PCDHA1: variants seen among roughly 807,000 people sequenced by gnomAD.
PCDHA1 encodes protocadherin alpha-1.
PCDHA1 carries 42 observed loss-of-function variants against 61.3 expected under a neutral mutation model. That is an observed-to-expected ratio of 0.69 (90% CI 0.54 to 0.89). PCDHA1 has a LOEUF of 0.89. Ranked by LOEUF, PCDHA1 falls within the 40% of genes least tolerant of loss-of-function variation. PCDHA1 has a pLI of 0.00. For synonymous variants in PCDHA1, 610 were observed against 553.8 expected, an observed-to-expected ratio of 1.10 and a Z score of -1.43; for missense variants, 1,256 against 1,235.3, an observed-to-expected ratio of 1.02 and a Z score of -0.25.
chr5:140,839,229 TTTTTATTGCTTTGC>T (rs2150295605), intron 1 of PCDHA1, among the ~76,000 whole-genome samples: 8 of 151,928 alleles, frequency 5.3e-5, no homozygotes, highest in Non-Finnish European at 1.0e-4. Context: ...CTGTAATCTG[TTTTTATTGCTTTGC>T]TTTTATGCTT....
intron 1 of PCDHA1, among the ~76,000 whole-genome samples, chr5:140,831,758 T>A (rs138346265): frequency 6.6e-6 from 1 of 152,244 alleles, no homozygotes; most frequent in Non-Finnish European, 1.5e-5. Flanking sequence ...CGCTACCAAT[T>A]TTGTTTTGTG....
At chr5:140,795,834 G>T (rs782292458) in intron 1 of PCDHA1, 15 of 1,613,882 alleles carry the variant, frequency 9.3e-6, no homozygotes, top group Non-Finnish European at 1.2e-5. Context: ...CCACTATACA[G>T]ACTAAGTTTA....
rs146932686 is a variant in PCDHA1, at chr5:140,955,010, G to T, written c.2395-23939G>T. 3.9e-3 allele frequency among the ~76,000 whole-genome samples: 599 copies of T among 152,256 alleles called. 6 individuals carry two copies. The highest frequency in any genetic ancestry group is 0.032 in the South Asian group (154 of 4,816). On this transcript the variant is annotated intron_variant, in intron 1 of 3. Transcript: ENST00000504120. ...TGCATATGGCTAGCCAATTCTCCCAGCACCATTTATTAAATAGGGAATCTT... is the reference window on the plus strand; with the variant it reads ...TGCATATGGCTAGCCAATTCTCCCATCACCATTTATTAAATAGGGAATCTT...
intron 1 of PCDHA1, chr5:140,967,005 A>G: frequency 1.2e-6 from 2 of 1,605,512 alleles, no homozygotes; most frequent in African/African-American, 1.3e-5. Flanking sequence ...TTGCGCATCA[A>G]CCATCTGGGT....
At chr5:140,796,833 C>T (rs1554120147) in intron 1 of PCDHA1, 2 of 1,614,110 alleles carry the variant, frequency 1.2e-6, no homozygotes, top group South Asian at 2.2e-5. Context: ...TCCCGTTCCG[C>T]GTGGGGCTAT....
chr5:140,963,526 T>G (rs1359195018), intron 1 of PCDHA1, among the ~76,000 whole-genome samples: 3 of 152,204 alleles, frequency 2.0e-5, no homozygotes, highest in Non-Finnish European at 4.4e-5. Flanking sequence ...ATAACAGAAG[T>G]CCCATTTACT....
chr5:140,928,744 C>T (rs143875858), intron 1 of PCDHA1: 3 of 1,614,144 alleles, frequency 1.9e-6, no homozygotes, highest in Admixed American at 3.3e-5. Context: ...TATAGGTGAG[C>T]TCCGTACTGC....
At chr5:140,807,455 A>C (rs1763937265) in intron 1 of PCDHA1, 1 of 1,607,604 alleles carries the variant, frequency 6.2e-7, no homozygotes. Context: ...GAATTCTCGG[A>C]TCGACCGGGA....
chr5:140,967,273 A>G lies in PCDHA1; in HGVS notation c.2395-11676A>G, dbSNP rs2096121712. The G allele has an allele frequency of 1.9e-6, 3 of 1,613,332 alleles. No individual in the cohort carries two copies. Among genetic ancestry groups the G allele is most frequent in the South Asian group, 2.2e-5 (2 of 91,074 alleles). On this transcript the variant is annotated intron_variant, in intron 1 of 3. Transcript: ENST00000504120. ...TGGCGCCTGGAGCGCGCTTTCACAT[A>G]GAGAGTGCGCAGGACCCCGACGTGG...
intron 1 of PCDHA1, chr5:140,877,398 T>C: frequency 1.2e-6 from 2 of 1,613,870 alleles, no homozygotes; most frequent in Middle Eastern, 1.6e-4. Flanking sequence ...AGGCGGACGC[T>C]CCGCGCCACC....
chr5:140,802,690 G>T (rs782575320), intron 1 of PCDHA1: 1 of 1,612,966 alleles, frequency 6.2e-7, no homozygotes. Context: ...GTGGAACGGC[G>T]GGTGGGGGAG....
intron 1 of PCDHA1, among the ~76,000 whole-genome samples, chr5:140,953,778 A>T (rs782648195): frequency 2.0e-5 from 3 of 151,986 alleles, no homozygotes; most frequent in Non-Finnish European, 2.9e-5. Context: ...ATATTTATTT[A>T]TTTTTTTCTT....
intron 1 of PCDHA1, chr5:140,823,626 G>T: frequency 6.2e-7 from 1 of 1,614,032 alleles, no homozygotes; most frequent in Non-Finnish European, 8.5e-7. Flanking sequence ...CTGGCAGTGC[G>T]CGCATCCCGT....
intron 1 of PCDHA1, among the ~76,000 whole-genome samples, chr5:140,845,552 T>C (rs2150379809): frequency 0.45 from 67,291 of 148,608 alleles, 18,811 homozygotes; most frequent in South Asian, 0.64. Context: ...ATGGTGATGC[T>C]TTTAGCTATT....
Position 140,926,391 on chromosome 5 carries a change from A to T in PCDHA1, c.2395-52558A>T, listed in dbSNP as rs76822698. On this transcript the variant is annotated intron_variant, in intron 1 of 3. Coordinates refer to ENST00000504120, the MANE Select transcript of PCDHA1 (RefSeq NM_018900.4). ...AGGAAGAGCCCAGCTGGGCTCAGCCACAGTTATCAGCAATCTGCGGGCAGA... is the reference window on the plus strand; with the variant it reads ...AGGAAGAGCCCAGCTGGGCTCAGCCTCAGTTATCAGCAATCTGCGGGCAGA... 1,228 of 152,462 alleles carry T rather than the reference A, an allele frequency of 8.1e-3. 5 individuals carry two copies. The highest frequency in any genetic ancestry group is 0.019 in the African/African-American group (792 of 41,554). The allele number at this position is 152,462 out of a possible 1,614,324, so 9.4% of individuals were successfully genotyped here.
chr5:140,896,485 C>G (rs1259028670), intron 1 of PCDHA1, among the ~76,000 whole-genome samples: 1 of 152,032 alleles, frequency 6.6e-6, no homozygotes, highest in Non-Finnish European at 1.5e-5. Context: ...GCCTCAGCCT[C>G]CTGAGTAGCT....
At chr5:140,862,493 C>T (rs1554156460) in intron 1 of PCDHA1, 4 of 388,658 alleles carry the variant, frequency 1.0e-5, no homozygotes, top group Admixed American at 3.4e-5. Context: ...GGTAATCGCT[C>T]GGAATGGGGA....
intron 1 of PCDHA1, among the ~76,000 whole-genome samples, chr5:140,906,752 G>A (rs1328101001): frequency 6.6e-6 from 1 of 152,152 alleles, no homozygotes; most frequent in Non-Finnish European, 1.5e-5. Context: ...ACAGGGCATG[G>A]TAATACTAAG....
chr5:140,793,020 A>G (rs988028325), intron 1 of PCDHA1, among the ~76,000 whole-genome samples: 1 of 152,208 alleles, frequency 6.6e-6, no homozygotes, highest in Non-Finnish European at 1.5e-5. Flanking sequence ...ATGTCTAGCC[A>G]ATGTGAGAAA....
Sources: gnomAD v4.1 joint callset for allele counts (sites outside exome capture counted in the v4.1 genomes callset) on GRCh38, gnomAD v4.1.1 for gene constraint, MANE v1.5 for transcripts, NCBI Gene and HGNC (gene_info 2026-07-23, HGNC 2026-07-21) for gene names.